The following BABAM2 variants were observed in gnomAD, a reference collection of about 807,000 sequenced individuals.
The protein encoded by BABAM2 is BRISC and BRCA1-A complex member 2.
Under a neutral mutation model 54.7 loss-of-function variants are expected in BABAM2, and 31 were observed. The ratio of observed to expected loss-of-function variants is 0.57; its 90% CI spans 0.43 to 0.77. The LOEUF (loss-of-function observed/expected upper bound fraction) is 0.77. Ranked by LOEUF, BABAM2 falls within the 30% of genes least tolerant of loss-of-function variation. The pLI is 0.00. For missense variants in BABAM2, 364 were observed against 455.8 expected (o/e 0.80, Z 1.83); for synonymous variants, 167 against 162.9 (o/e 1.03, Z -0.19).
chr2:28,159,534 G>A (rs1345596167), intron 7 of BABAM2, among the ~76,000 whole-genome samples: 1 of 152,178 alleles, frequency 6.6e-6, no homozygotes, highest in Admixed American at 6.5e-5. Context: ...ATGCAAGAGG[G>A]TGCCTGGCAT....
chr2:28,233,260 C>G (rs533322758), intron 7 of BABAM2: 1 of 471,294 alleles, frequency 2.1e-6, no homozygotes, highest in South Asian at 1.5e-5. Flanking sequence ...TAATTCTTCC[C>G]CAGCCACTTA....
At chr2:28,102,061 A>G (rs1191756801) in intron 6 of BABAM2, among the ~76,000 whole-genome samples, 1 of 152,232 alleles carries the variant, frequency 6.6e-6, no homozygotes, top group Non-Finnish European at 1.5e-5. Context: ...AAGGCTATTT[A>G]TGAATTGGCT....
At chr2:27,999,959 A>G (rs1244599613) in intron 4 of BABAM2, among the ~76,000 whole-genome samples, 1 of 152,140 alleles carries the variant, frequency 6.6e-6, no homozygotes, top group African/African-American at 2.4e-5. Flanking sequence ...GGGAAGGGCT[A>G]TTTATCTTTT....
intron 7 of BABAM2, among the ~76,000 whole-genome samples, chr2:28,139,340 A>AG (rs1260276565): frequency 4.8e-4 from 62 of 129,428 alleles, no homozygotes; most frequent in Admixed American, 1.0e-3. Context: ...AAAAAAAAAA[A>AG]AAAAAGAAAA....
chr2:27,925,722 C>T (rs1365612762), intron 2 of BABAM2, among the ~76,000 whole-genome samples: 6 of 152,188 alleles, frequency 3.9e-5, no homozygotes, highest in African/African-American at 1.4e-4. Flanking sequence ...TGAAACACTC[C>T]TCTCCATGAC....
intron 3 of BABAM2, among the ~76,000 whole-genome samples, chr2:27,967,887 C>T (rs188340447): frequency 4.1e-4 from 63 of 152,110 alleles, no homozygotes; most frequent in Non-Finnish European, 6.2e-4. Context: ...AGGTTTCCAG[C>T]GGAAGAAATT....
At chr2:28,312,109 G>A (rs1268384854) in intron 11 of BABAM2, among the ~76,000 whole-genome samples, 2 of 152,152 alleles carry the variant, frequency 1.3e-5, no homozygotes, top group Non-Finnish European at 2.9e-5. Flanking sequence ...AAGGCAGGAG[G>A]GCCAAGCCGC....
intron 5 of BABAM2, among the ~76,000 whole-genome samples, chr2:28,044,313 T>C (rs1677379135): frequency 6.6e-6 from 1 of 152,200 alleles, no homozygotes; most frequent in Non-Finnish European, 1.5e-5. Context: ...CACTGCAAAC[T>C]CTGCCTCCCA....
At chr2:28,312,853 T>C (rs1480166121) in intron 11 of BABAM2, among the ~76,000 whole-genome samples, 1 of 152,194 alleles carries the variant, frequency 6.6e-6, no homozygotes, top group Non-Finnish European at 1.5e-5. Flanking sequence ...TTAAGCACAG[T>C]GATTGGCATA....
At chr2:28,103,613 G>A (rs948827708) in intron 6 of BABAM2, among the ~76,000 whole-genome samples, 10 of 152,178 alleles carry the variant, frequency 6.6e-5, no homozygotes, top group Non-Finnish European at 1.3e-4. Context: ...CTGGCATAAA[G>A]TGGTGTCTTA....
At chr2:28,158,672 C>T (rs1447788246) in intron 7 of BABAM2, among the ~76,000 whole-genome samples, 4 of 152,224 alleles carry the variant, frequency 2.6e-5, no homozygotes, top group Admixed American at 1.3e-4. Context: ...CTTCTTTCAG[C>T]ATTATAATAA....
At chr2:28,310,012 G>A (rs542761921) in intron 11 of BABAM2, 205 of 1,482,650 alleles carry the variant, frequency 1.4e-4, no homozygotes, top group Middle Eastern at 3.5e-4. Context: ...TATAAATAAC[G>A]TGGAATTATT....
At chr2:27,987,817 A>AC (rs1244348951) in intron 3 of BABAM2, among the ~76,000 whole-genome samples, 176 bp from the exon 4 acceptor site, 1 of 149,756 alleles carries the variant, frequency 6.7e-6, no homozygotes, top group Admixed American at 6.7e-5. Context: ...CCTGTCTCAA[A>AC]AAAAAAAAAA....
intron 7 of BABAM2, among the ~76,000 whole-genome samples, chr2:28,186,866 C>T (rs1435008286): frequency 4.6e-5 from 7 of 150,860 alleles, no homozygotes; most frequent in African/African-American, 1.7e-4. Flanking sequence ...AGTGCAGTGG[C>T]ATGATCTCGG....
chr2:28,172,507 C>T (rs1674463965), intron 7 of BABAM2, among the ~76,000 whole-genome samples: 1 of 152,194 alleles, frequency 6.6e-6, no homozygotes, highest in Non-Finnish European at 1.5e-5. Flanking sequence ...GGTCAGAAGT[C>T]CAGGGCTGCA....
chr2:28,230,904 G>A (rs756512073), intron 7 of BABAM2, among the ~76,000 whole-genome samples: 42 of 152,206 alleles, frequency 2.8e-4, no homozygotes, highest in Non-Finnish European at 5.1e-4. Flanking sequence ...TTAATTTTAT[G>A]TATAAAAGCT....
intron 11 of BABAM2, among the ~76,000 whole-genome samples, chr2:28,323,325 C>T (rs962600306): frequency 1.3e-5 from 2 of 152,076 alleles, no homozygotes; most frequent in Non-Finnish European, 2.9e-5. Context: ...GGGAGATAGA[C>T]GGCTCAGACC....
rs148846120 is a variant in BABAM2, at chr2:27,972,126, T to G, written c.206-15867T>G. ...TTTCTAAGAATCAACAACATGTATA[T>G]TATCTCTGATACACATAAGAATCAC... On this transcript the variant is annotated intron_variant, in intron 3 of 11. Coordinates refer to ENST00000379624, the MANE Select transcript of BABAM2 (RefSeq NM_199191.3). Among the ~76,000 whole-genome samples, 4 of 152,308 alleles carry G rather than the reference T, an allele frequency of 2.6e-5. No individual in the cohort carries two copies. In the East Asian group the frequency reaches 7.7e-4, roughly 29 times the overall value.
intron 10 of BABAM2, among the ~76,000 whole-genome samples, chr2:28,293,896 T>G (rs1287910365): frequency 1.3e-5 from 2 of 151,702 alleles, no homozygotes. Context: ...AAGAAAGAAA[T>G]GGTTACTGAA....
Sources: allele counts gnomAD v4.1 joint callset (sites outside exome capture counted in the v4.1 genomes callset), GRCh38; gene constraint gnomAD v4.1.1; transcripts MANE v1.5; gene names NCBI Gene and HGNC (gene_info 2026-07-23, HGNC 2026-07-21).